SIRT7: variants seen among roughly 807,000 people sequenced by gnomAD.
The protein encoded by SIRT7 is NAD-dependent protein deacetylase sirtuin-7.
Under a neutral mutation model 42.8 loss-of-function variants are expected in SIRT7, and 32 were observed. The ratio of observed to expected loss-of-function variants is 0.75; its 90% CI spans 0.56 to 1.00. The LOEUF (loss-of-function observed/expected upper bound fraction) is 1.00. Among genes scored for constraint, SIRT7 ranks in the 50% least tolerant of loss-of-function variants. SIRT7 has a pLI of 0.00. For missense variants in SIRT7, 553 were observed against 572.2 expected (o/e 0.97, Z 0.34); for synonymous variants, 297 against 245.2 (o/e 1.21, Z -1.97).
At chr17:81,916,692 A>G (rs775458360) in intron 3 of SIRT7, 2 of 152,094 alleles carry the variant, frequency 1.3e-5, no homozygotes, top group Non-Finnish European at 2.9e-5. Context: ...TTCTTGAACT[A>G]CTGACCTCAT....
At chr17:81,917,537 G>T in intron 3 of SIRT7, 78 bp downstream of exon 3, 2 of 1,280,292 alleles carry the variant, frequency 1.6e-6, no homozygotes, top group South Asian at 1.6e-5. Flanking sequence ...AAACCTTAGA[G>T]CTGCTTTAAA....
At chr17:81,915,056 T>C in intron 5 of SIRT7, 1 of 480,646 alleles carries the variant, frequency 2.1e-6, no homozygotes, top group Non-Finnish European at 3.8e-6. Context: ...TTCAGGTCCC[T>C]GGGGACCTAG....
In SIRT7 at chr17:81,912,398, T is replaced by TC. The variant is rs2040687449; in HGVS notation, c.*17dup. ...TGGCCATCTGCAAAGTGCCAACTGT[T>TC]CTTCATCGAGCACGTGATTACGTCA... is the stretch of plus-strand genomic sequence containing the variant. On this transcript the variant is annotated 3_prime_UTR_variant, in exon 10 of 10. Coordinates refer to ENST00000328666, the MANE Select transcript of SIRT7 (RefSeq NM_016538.3). 1 of 1,613,896 alleles carries TC rather than the reference T, an allele frequency of 6.2e-7. No individual in the cohort carries two copies. Among genetic ancestry groups the TC allele is most frequent in the Non-Finnish European group, 8.5e-7 (1 of 1,179,958 alleles).
intron 1 of SIRT7, 24 bp from the exon 2 acceptor site, chr17:81,917,991 G>C (rs574845548): frequency 7.5e-6 from 10 of 1,335,712 alleles, no homozygotes; most frequent in Non-Finnish European, 9.5e-6. Flanking sequence ...GACGGTGAGC[G>C]GCGGCGCGGG....
chr17:81,915,812 T>G, intron 3 of SIRT7, 131 bp from the exon 4 acceptor site: 2 of 979,598 alleles, frequency 2.0e-6, no homozygotes, highest in Non-Finnish European at 3.1e-6. Flanking sequence ...CCTCTATTCA[T>G]TCCACAGGCT....
intron 5 of SIRT7, 50 bp from the exon 6 acceptor site, chr17:81,914,752 G>T (rs769749585): frequency 2.0e-6 from 3 of 1,486,350 alleles, no homozygotes; most frequent in Non-Finnish European, 1.9e-6. Context: ...CAGTGGTGGT[G>T]GGGAGGTCAG....
Position 81,912,351 on chromosome 17 carries a change from A to T in SIRT7, c.*65T>A. On this transcript the variant is annotated 3_prime_UTR_variant, in exon 10 of 10. Transcript: ENST00000328666. ...TCGTTCTCCCTAGACCCGTGGGGGC[A>T]ACCCAGCCTTCACCGTGACACTGGC... 6.3e-7 allele frequency: 1 copy of T among 1,595,806 alleles called. No homozygotes were observed. The highest frequency in any genetic ancestry group is 1.7e-4 in the Middle Eastern group (1 of 6,018).
At chr17:81,916,099 TG>T (rs1310107247) in intron 3 of SIRT7, 1 of 237,410 alleles carries the variant, frequency 4.2e-6, no homozygotes, top group Non-Finnish European at 8.7e-6. Context: ...TCCAGGCGAC[TG>T]TCCATTCTCA....
In SIRT7 at chr17:81,917,637, T is replaced by G; in HGVS notation, c.314A>C (p.Tyr105Ser). The stretch of plus-strand genomic sequence containing the variant: ...TACCGTGCTGATTCCCGCGCCTGTG[T>G]AGACGACCAAGTATTTGGCGTTCCG... ...AVRNAKYLVV[Y>S]TGAGISTAAS... Residue 105 changes from tyrosine to serine, a missense_variant, in exon 3 of 10, where the codon TAC (tyrosine) becomes TCC (serine). Tyr to Ser is a moderately radical substitution (Grantham distance 144). Coordinates refer to ENST00000328666, the MANE Select transcript of SIRT7 (RefSeq NM_016538.3). The G allele has an allele frequency of 6.2e-7, 1 of 1,607,958 alleles. No homozygotes were observed. Among genetic ancestry groups the G allele is most frequent in the Non-Finnish European group, 8.5e-7 (1 of 1,177,442 alleles).
rs918970290 is a variant in SIRT7, at chr17:81,912,085, T to C, written c.*331A>G. 3.9e-5 allele frequency: 17 copies of C among 430,794 alleles called. No individual in the cohort carries two copies. The highest frequency in any genetic ancestry group is 1.0e-4 in the East Asian group (2 of 19,228). 26.7% of individuals were successfully genotyped at this position (430,794 alleles called of 1,614,324 possible). ...TAGTAGTAGAAATACGGTGAGGCCC[T>C]GAGACTGGCCTGGTGAGCGAGGAAA... On this transcript the variant is annotated 3_prime_UTR_variant, in exon 10 of 10. Transcript: ENST00000328666.
intron 1 of SIRT7, 30 bp downstream of exon 1, chr17:81,918,009 T>C (rs978298430): frequency 7.2e-7 from 1 of 1,396,058 alleles, no homozygotes; most frequent in Non-Finnish European, 9.3e-7. Flanking sequence ...GGGCCGGGCA[T>C]GGCCGGGCCG....
rs1567907218 is a variant in SIRT7 at position 81,913,782 on chromosome 17, G to A, written c.996C>T (p.Ala332=). Residue 332 remains alanine (A), a synonymous_variant, in exon 9 of 10, where the codon GCC becomes GCT. Coordinates refer to ENST00000328666, the MANE Select transcript of SIRT7 (RefSeq NM_016538.3). This position sits in a 1 kb window ranked among gnomAD's most constrained non-coding sequence, Gnocchi z 5.0. ...TGCAGCGGCTCACTCACCTGCTATA[G>A]GCGGGGATCTCCAAGCCCAGCTCGG... ...LMAELGLEIP[A]YSRWQDPIFS... is the part of the protein sequence containing the mutation. 12 of 1,548,622 alleles carry A rather than the reference G, an allele frequency of 7.7e-6. No individual in the cohort carries two copies. Among genetic ancestry groups the A allele is most frequent in the Non-Finnish European group, 9.6e-6 (11 of 1,146,836 alleles).
Position 81,912,558 on chromosome 17 carries a change from C to T in SIRT7, c.1061G>A (p.Ser354Asn). The T allele has an allele frequency of 6.2e-7, 1 of 1,613,714 alleles. No individual in the cohort carries two copies. Among genetic ancestry groups the T allele is most frequent in the Non-Finnish European group, 8.5e-7 (1 of 1,180,006 alleles). Residue 354 changes from serine (S) to asparagine (N), a missense_variant, in exon 10 of 10, where the codon AGC becomes AAC. Physicochemically the swap from Ser to Asn is conservative, Grantham distance 46 (BLOSUM62 1). Coordinates refer to ENST00000328666, the MANE Select transcript of SIRT7 (RefSeq NM_016538.3). ...ATPLRAGEEGSHSRKSLCRSR... is the reference protein window; with the variant it reads ...ATPLRAGEEGNHSRKSLCRSR... ...TCTGCACAGCGACTTCCGACTGTGGCTGCCTTCTTCACCAGCACGCAGGGG... is the reference window on the plus strand; with the variant it reads ...TCTGCACAGCGACTTCCGACTGTGGTTGCCTTCTTCACCAGCACGCAGGGG...
rs1053922379 is a variant in SIRT7 at position 81,912,136 on chromosome 17, G to C, written c.*280C>G. ...GGCCGCTGGGCGCTTCCACTCTGCA[G>C]GCCGGGGCTGAAATAACCCGAGTTC... On this transcript the variant is annotated 3_prime_UTR_variant, in exon 10 of 10. Coordinates refer to ENST00000328666, the MANE Select transcript of SIRT7 (RefSeq NM_016538.3). 5 of 505,986 alleles carry C rather than the reference G, an allele frequency of 9.9e-6. No homozygotes were observed. The highest frequency in any genetic ancestry group is 3.9e-5 in the African/African-American group (2 of 51,670). The allele number at this position is 505,986 out of a possible 1,614,324, so 31.3% of individuals were successfully genotyped here. A position where few individuals can be genotyped will look rare whatever the true frequency, so the allele number is the denominator to read the frequency against.
Position 81,918,110 on chromosome 17 carries a change from G to A in SIRT7, c.22C>T (p.Arg8Cys). 4 of 1,552,072 alleles carry A rather than the reference G, an allele frequency of 2.6e-6. No individual in the cohort carries two copies. Among genetic ancestry groups the A allele is most frequent in the Non-Finnish European group, 3.4e-6 (4 of 1,160,268 alleles). The change falls in exon 1 of 10, where the codon CGC becomes TGC. Residue 8 changes from arginine to cysteine, a missense_variant. By Grantham distance (180) the Arg-to-Cys change is radical (BLOSUM62 -3). Coordinates refer to ENST00000328666, the MANE Select transcript of SIRT7 (RefSeq NM_016538.3). The stretch of plus-strand genomic sequence containing the variant: ...CGCTCCGCCGCTTTGCGCTCGGAGC[G>A]GCTCAGACCCCCGGCTGCCATCGCT... MAAGGLS[R>C]SERKAAERVR...
At position 81,913,752 on chromosome 17, in the gene SIRT7, G is replaced by A; in HGVS notation, c.1004+22C>T. On this transcript the variant is annotated intron_variant, in intron 9 of 9. Transcript: ENST00000328666. The surrounding 1 kb of genome is among the most constrained non-coding windows in gnomAD (Gnocchi z 5.0). The stretch of plus-strand genomic sequence containing the variant: ...AGCACACAGAGGTGCGGGGAAGCAG[G>A]CTGCTGCAGCGGCTCACTCACCTGC... 2 of 1,538,422 alleles carry A rather than the reference G, an allele frequency of 1.3e-6. No homozygotes were observed. The highest frequency in any genetic ancestry group is 1.8e-6 in the Non-Finnish European group (2 of 1,137,676).
chr17:81,912,878 C>T lies in SIRT7; in HGVS notation c.1005-264G>A, dbSNP rs895116339. On this transcript the variant is annotated intron_variant, in intron 9 of 9. Coordinates refer to ENST00000328666, the MANE Select transcript of SIRT7 (RefSeq NM_016538.3). ...CAAAACTCCGTGTCCTTGTCCACCA[C>T]TGAGCGGCGTGCACACACAGGGTGG... 6.5e-5 allele frequency: 35 copies of T among 541,574 alleles called. No individual in the cohort carries two copies. In the African/African-American group the frequency reaches 6.6e-4, roughly 10 times the overall value. The allele number at this position is 541,574 out of a possible 1,614,324, so 33.5% of individuals were successfully genotyped here. A position where few individuals can be genotyped will look rare whatever the true frequency, so the allele number is the denominator to read the frequency against.
chr17:81,917,931 T>C lies in SIRT7; in HGVS notation c.130A>G (p.Ser44Gly). ...GCCAGCAGCCGGCCCTCCTCGGCGC[T>C]GCGCTCCGCCGCCGCCTTCCTCAGG... Reference protein sequence around the residue: ...RILRKAAAERSAEEGRLLAES... With the variant: ...RILRKAAAERGAEEGRLLAES... Residue 44 changes from serine to glycine, a missense_variant, in exon 2 of 10, where the codon AGC (serine) becomes GGC (glycine). Ser to Gly is a moderately conservative substitution (Grantham distance 56). Coordinates refer to ENST00000328666, the MANE Select transcript of SIRT7 (RefSeq NM_016538.3). The C allele has an allele frequency of 7.2e-7, 1 of 1,395,654 alleles. No homozygotes were observed. The highest frequency in any genetic ancestry group is 9.3e-7 in the Non-Finnish European group (1 of 1,076,036). The allele number at this position is 1,395,654 out of a possible 1,614,324, so 86.5% of individuals were successfully genotyped here. A position where few individuals can be genotyped will look rare whatever the true frequency, so the allele number is the denominator to read the frequency against.
At chr17:81,915,301 C>T in intron 5 of SIRT7, 139 bp downstream of exon 5, 3 of 904,040 alleles carry the variant, frequency 3.3e-6, no homozygotes, top group South Asian at 1.6e-5. Context: ...AGGATCAAAC[C>T]CGCGGCCTAA....
Sources: gnomAD v4.1 joint callset for allele counts on GRCh38, gnomAD v4.1.1 for gene constraint, Gnocchi (gnomAD v3.1) non-coding constraint, MANE v1.5 for transcripts, NCBI Gene and HGNC (gene_info 2026-07-23, HGNC 2026-07-21) for gene names.